The following UBR4 variants were observed in gnomAD, a reference collection of about 807,000 sequenced individuals.
UBR4 encodes the protein ubiquitin protein ligase E3 component n-recognin 4, also known as E3 ubiquitin-protein ligase UBR4.
A neutral mutation model predicts 575.6 loss-of-function variants in UBR4; 124 were observed. The ratio of observed to expected loss-of-function variants is 0.22; its 90% CI spans 0.19 to 0.25. The LOEUF (loss-of-function observed/expected upper bound fraction) is 0.25. Ranked by LOEUF, UBR4 falls within the 10% of genes least tolerant of loss-of-function variation. The pLI is 1.00. For missense variants in UBR4, 4,818 were observed against 6,478.8 expected (o/e 0.74, Z 8.80); for synonymous variants, 2,455 against 2,473.7 (o/e 0.99, Z 0.22).
At chr1:19,143,907 C>A (rs2084462185) in intron 55 of UBR4, 73 bp downstream of exon 55, 8 of 1,373,426 alleles carry the variant, frequency 5.8e-6, no homozygotes, top group Non-Finnish European at 8.3e-6. Context: ...GCAGCATGCC[C>A]AATGCTACTG....
intron 7 of UBR4, 151 bp from the exon 8 acceptor site, chr1:19,197,416 C>T: frequency 8.1e-7 from 1 of 1,227,544 alleles, no homozygotes; most frequent in Non-Finnish European, 1.1e-6. Context: ...ATTGCTTGAG[C>T]CCAGGAGTTC....
Position 19,095,607 on chromosome 1 carries a change from G to A in UBR4, c.13564C>T (p.Arg4522Trp), listed in dbSNP as rs962516634. 14 of 1,613,966 alleles carry A rather than the reference G, an allele frequency of 8.7e-6. No homozygotes were observed. The highest frequency in any genetic ancestry group is 2.2e-5 in the East Asian group (1 of 44,898). ...FSYCVKVKVN[R>W]QQLVKLEMNT... ...ATTTCCAGTTTGACCAGTTGCTGCC[G>A]GTTGACTTTCACCTTCACGCAGTAA... Residue 4522 changes from arginine to tryptophan, a missense_variant, in exon 93 of 106, where the codon CGG becomes TGG. Transcript: ENST00000375254.
chr1:19,191,252 T>C (rs1053288884), intron 11 of UBR4, among the ~76,000 whole-genome samples: 1 of 152,106 alleles, frequency 6.6e-6, no homozygotes, highest in African/African-American at 2.4e-5. Context: ...GGCAGATCAT[T>C]TGAGGCCAAG....
intron 89 of UBR4, chr1:19,099,996 AG>A (rs1396084617): frequency 6.8e-6 from 3 of 438,820 alleles, no homozygotes; most frequent in Non-Finnish European, 1.2e-5. Context: ...ACGGTCTGCC[AG>A]AAAGTAACTG....
At chr1:19,183,761 G>A (rs1478893422) in intron 17 of UBR4, 50 bp downstream of exon 17, 1 of 1,558,558 alleles carries the variant, frequency 6.4e-7, no homozygotes, top group Non-Finnish European at 8.8e-7. Context: ...TGCAGCCTAT[G>A]GAAGCTGGTG....
In UBR4 at chr1:19,153,000, T is replaced by C. The variant is rs1418329113; in HGVS notation, c.6832+301A>G. The stretch of plus-strand genomic sequence containing the variant: ...GTGGGAAATTAACCAGCTGAAGAGG[T>C]CTATACTTCAATCAGTTCTTCAGGG... On this transcript the variant is annotated intron_variant, in intron 46 of 105. Coordinates refer to ENST00000375254, the MANE Select transcript of UBR4 (RefSeq NM_020765.3). This position sits in a 1 kb window ranked among gnomAD's most constrained non-coding sequence, Gnocchi z 4.4. Among the ~76,000 whole-genome samples the C allele has an allele frequency of 6.6e-6, 1 of 152,044 alleles. No individual in the cohort carries two copies. Among genetic ancestry groups the C allele is most frequent in the Non-Finnish European group, 1.5e-5 (1 of 67,998 alleles).
rs192109516 is a variant in UBR4, at chr1:19,174,824, A to C, written c.2853+130T>G. 244 of 843,278 alleles carry C rather than the reference A, an allele frequency of 2.9e-4. 1 individual carries two copies. In the African/African-American group the frequency reaches 3.7e-3, roughly 13 times the overall value. 52.2% of individuals were successfully genotyped at this position (843,278 alleles called of 1,614,324 possible). ...CAAGTAACATTTTCCTATTAGAATA[A>C]GCTCAAATCGTAACACAGACCACAT... On this transcript the variant is annotated intron_variant, in intron 21 of 105. Transcript: ENST00000375254.
chr1:19,155,746 GC>G, intron 42 of UBR4, 78 bp from the exon 43 acceptor site: 1 of 1,269,198 alleles, frequency 7.9e-7, no homozygotes, highest in Admixed American at 1.8e-5. Context: ...AATCCAAATA[GC>G]CGGAACTGAC....
intron 1 of UBR4, among the ~76,000 whole-genome samples, chr1:19,207,247 A>G (rs1437988116): frequency 6.6e-6 from 1 of 152,256 alleles, no homozygotes; most frequent in Non-Finnish European, 1.5e-5. Context: ...CAGCATCTAC[A>G]GTGTTGGCTT....
chr1:19,164,222 G>GA (rs777626733), intron 33 of UBR4, 31 bp downstream of exon 33: 10 of 1,594,778 alleles, frequency 6.3e-6, no homozygotes, highest in Non-Finnish European at 1.7e-6. Context: ...GATCAATGTT[G>GA]TAACCTACAG....
At position 19,138,001 on chromosome 1, in the gene UBR4, C is replaced by T; in HGVS notation, c.8906+6G>A. 1.3e-6 allele frequency: 2 copies of T among 1,529,774 alleles called. No individual in the cohort carries two copies. The highest frequency in any genetic ancestry group is 1.8e-6 in the Non-Finnish European group (2 of 1,130,616). The allele number at this position is 1,529,774 out of a possible 1,614,324, so 94.8% of individuals were successfully genotyped here. Reference sequence around the variant, plus strand: ...GCCTCTTAACTGTGAAGGACTAGGTCTTGACCTGTTGCTAGTGTGGACATC... The same window carrying T: ...GCCTCTTAACTGTGAAGGACTAGGTTTTGACCTGTTGCTAGTGTGGACATC... On this transcript the variant is annotated splice_donor_region_variant and intron_variant, in intron 60 of 105. Coordinates refer to ENST00000375254, the MANE Select transcript of UBR4 (RefSeq NM_020765.3).
Position 19,110,977 on chromosome 1 carries a change from G to T in UBR4, c.11802-145C>A. The stretch of plus-strand genomic sequence containing the variant: ...CTACTTCCTTCCCGGGGCAAGACTA[G>T]AACTTTAGCTTCACAAAACCGTGGT... On this transcript the variant is annotated intron_variant, in intron 78 of 105. Transcript: ENST00000375254. The surrounding 1 kb of genome is among the most constrained non-coding windows in gnomAD (Gnocchi z 4.5). 1.3e-6 allele frequency: 1 copy of T among 773,512 alleles called. No individual in the cohort carries two copies. Among genetic ancestry groups the T allele is most frequent in the Non-Finnish European group, 2.0e-6 (1 of 489,298 alleles). 47.9% of individuals were successfully genotyped at this position (773,512 alleles called of 1,614,324 possible).
intron 52 of UBR4, chr1:19,146,211 A>G: frequency 1.1e-6 from 1 of 881,260 alleles, no homozygotes; most frequent in African/African-American, 1.7e-5. Flanking sequence ...CCAACTGTTC[A>G]ACTTCTAAAA....
chr1:19,140,625 C>T (rs1168293241), intron 58 of UBR4, among the ~76,000 whole-genome samples, 163 bp downstream of exon 58: 1 of 152,222 alleles, frequency 6.6e-6, no homozygotes, highest in Non-Finnish European at 1.5e-5. Context: ...CGGGGCCGAG[C>T]CACAGCACTA....
rs760512266 is a variant in UBR4 at position 19,114,808 on chromosome 1, C to T, written c.11202+3G>A. On this transcript the variant is annotated splice_donor_region_variant and intron_variant, in intron 75 of 105. Coordinates refer to ENST00000375254, the MANE Select transcript of UBR4 (RefSeq NM_020765.3). ...CCTGAGTCTAGGCCAGATCTGGCCT[C>T]ACCTTCTTCCGGTCTTCTTCATTCT... The T allele has an allele frequency of 1.9e-6, 3 of 1,613,954 alleles. No homozygotes were observed. Among genetic ancestry groups the T allele is most frequent in the Non-Finnish European group, 2.5e-6 (3 of 1,180,008 alleles).
intron 100 of UBR4, 111 bp from the exon 101 acceptor site, chr1:19,086,381 A>T: frequency 7.3e-7 from 1 of 1,362,536 alleles, no homozygotes; most frequent in Non-Finnish European, 9.8e-7. Flanking sequence ...CTAAGAAGTC[A>T]GTCGGCCCAG....
At chr1:19,092,678 C>T in intron 97 of UBR4, 141 bp downstream of exon 97, 1 of 623,534 alleles carries the variant, frequency 1.6e-6, no homozygotes, top group Non-Finnish European at 2.7e-6. Flanking sequence ...TCTCTCAGCA[C>T]ACATAGATGA....
Position 19,198,857 on chromosome 1 carries a change from T to C in UBR4, c.450A>G (p.Thr150=), listed in dbSNP as rs1442603668. 1 of 1,614,238 alleles carries C rather than the reference T, an allele frequency of 6.2e-7. No homozygotes were observed. The highest frequency in any genetic ancestry group is 8.5e-7 in the Non-Finnish European group (1 of 1,180,046). ...TGGCGGATTTCATCATTGCTGTAAA[T>C]GTGATAATTTCAGTTCTATCTAGTC... ...CSRLDRTEII[T]FTAMMKSAKL... is the part of the protein sequence containing the mutation. The change falls in exon 4 of 106, where the codon ACA becomes ACG. Residue 150 remains threonine (T), a synonymous_variant. Transcript: ENST00000375254.
chr1:19,144,757 G>A (rs371473497), intron 54 of UBR4, 29 bp downstream of exon 54: 18 of 1,582,850 alleles, frequency 1.1e-5, no homozygotes, highest in African/African-American at 1.1e-4. Context: ...TGGCTGCTGC[G>A]AGCTCTCTGG....
Sources: gnomAD v4.1 joint callset for allele counts (sites outside exome capture counted in the v4.1 genomes callset) on GRCh38, gnomAD v4.1.1 for gene constraint, Gnocchi (gnomAD v3.1) non-coding constraint, MANE v1.5 for transcripts, NCBI Gene and HGNC (gene_info 2026-07-23, HGNC 2026-07-21) for gene names.